CSTL1: variants seen among roughly 807,000 people sequenced by gnomAD.
The protein encoded by CSTL1 is cystatin-like 1.
Under a neutral mutation model 14.4 loss-of-function variants are expected in CSTL1, and 14 were observed. The observed-to-expected ratio is 0.97, with a 90% CI of 0.64 to 1.52. The LOEUF (loss-of-function observed/expected upper bound fraction) is 1.52. Ranked by LOEUF, CSTL1 falls within the 40% of genes most tolerant of loss-of-function variation. CSTL1 has a pLI of 0.00. For synonymous variants in CSTL1, 72 were observed against 67.5 expected (o/e 1.07, Z -0.33); for missense variants, 170 against 168.7 (o/e 1.01, Z -0.04).
At chr20:23,446,329 C>T (rs1986966243), downstream of CSTL1, among the ~76,000 whole-genome samples, 1 of 151,896 alleles carries the variant, frequency 6.6e-6, no homozygotes, top group Non-Finnish European at 1.5e-5. Context: ...GATCTTGGCT[C>T]ACTGCAGTCT....
chr20:23,458,298 G>T, the CSTL1 span, among the ~76,000 whole-genome samples: 1 of 152,174 alleles, frequency 6.6e-6, no homozygotes, highest in South Asian at 2.1e-4. Context: ...GAGTTGCTCT[G>T]CTGGAAGATG....
chr20:23,457,306 C>T, the CSTL1 span, among the ~76,000 whole-genome samples: 4 of 152,198 alleles, frequency 2.6e-5, no homozygotes, highest in Admixed American at 6.5e-5. Flanking sequence ...TCCCTCAGAA[C>T]TTCCTCTGTT....
At chr20:23,440,560 A>G (rs2123310028) in intron 2 of CSTL1, 74 bp downstream of exon 2, 2 of 1,133,704 alleles carry the variant, frequency 1.8e-6, no homozygotes, top group Non-Finnish European at 2.7e-6. Context: ...ATTCTGGGGT[A>G]GCTCCCAAGA....
chr20:23,444,891 T>C lies in CSTL1; in HGVS notation c.*13T>C, dbSNP rs374708502. The stretch of plus-strand genomic sequence containing the variant: ...AAACCTCAGATGAGGGCTCATATGA[T>C]TGAGTTGTGCACTGGCTGTTATTAA... On this transcript the variant is annotated 3_prime_UTR_variant, in exon 4 of 4. Coordinates refer to ENST00000347397, the MANE Select transcript of CSTL1 (RefSeq NM_138283.1). 403 of 1,556,594 alleles carry C rather than the reference T, an allele frequency of 2.6e-4. No individual in the cohort carries two copies. Among genetic ancestry groups the C allele is most frequent in the Non-Finnish European group, 3.4e-4 (388 of 1,127,762 alleles).
intron 2 of CSTL1, chr20:23,440,847 C>T (rs193020430): frequency 3.1e-4 from 108 of 347,656 alleles, no homozygotes; most frequent in African/African-American, 2.3e-3. Flanking sequence ...ACCTCCTCCT[C>T]CCAGGTTCAA....
chr20:23,444,756 TTTCTTC>T lies in CSTL1; in HGVS notation c.331-10_331-5del. 6.4e-7 allele frequency: 1 copy of T among 1,568,388 alleles called. No individual in the cohort carries two copies. The highest frequency in any genetic ancestry group is 8.8e-7 in the Non-Finnish European group (1 of 1,138,434). On this transcript the variant is annotated splice_polypyrimidine_tract_variant and intron_variant, in intron 3 of 3. Transcript: ENST00000347397. ...AATACTTCCCCCAAAGTCTGTTTTC[TTTCTTC>T]TTCTACAGAGTTTAATTTGCGAGTC...
At chr20:23,443,882 C>A in intron 2 of CSTL1, 52 bp from the exon 3 acceptor site, 1 of 1,352,976 alleles carries the variant, frequency 7.4e-7, no homozygotes, top group Non-Finnish European at 1.1e-6. Flanking sequence ...AGGAGAGGGT[C>A]AGCCACTGGA....
chr20:23,444,211 T>A (rs1298822593), intron 3 of CSTL1, among the ~76,000 whole-genome samples, 167 bp downstream of exon 3: 2 of 152,252 alleles, frequency 1.3e-5, no homozygotes, highest in Non-Finnish European at 2.9e-5. Context: ...GGAGGCTTTA[T>A]ATTTGGGCTG....
the CSTL1 span, among the ~76,000 whole-genome samples, chr20:23,449,943 G>T: frequency 6.6e-6 from 1 of 152,184 alleles, no homozygotes; most frequent in Non-Finnish European, 1.5e-5. Flanking sequence ...TTTGCAATTA[G>T]AAAGTGCACT....
At chr20:23,457,488 T>C in the CSTL1 span, 1 of 152,178 alleles carries the variant, frequency 6.6e-6, no homozygotes, top group African/African-American at 2.4e-5. Flanking sequence ...CATATGACTT[T>C]AGGGAGGTTA....
chr20:23,446,266 CT>C (rs1252698154), downstream of CSTL1, among the ~76,000 whole-genome samples: 1 of 140,230 alleles, frequency 7.1e-6, no homozygotes, highest in Admixed American at 7.0e-5. Flanking sequence ...TTTTTTTTTT[CT>C]TTTTTTTGAG....
chr20:23,456,764 C>T, the CSTL1 span, among the ~76,000 whole-genome samples: 2 of 152,178 alleles, frequency 1.3e-5, no homozygotes, highest in Non-Finnish European at 2.9e-5. Context: ...TAAGGGAGAA[C>T]CTATTTTTTT....
chr20:23,441,330 T>C (rs1986826271), intron 2 of CSTL1, among the ~76,000 whole-genome samples: 1 of 152,212 alleles, frequency 6.6e-6, no homozygotes, highest in African/African-American at 2.4e-5. Flanking sequence ...CACCTCACCT[T>C]CTGTTTTACA....
At chr20:23,447,467 C>CTT (rs34114094), downstream of CSTL1, among the ~76,000 whole-genome samples, 840 of 136,784 alleles carry the variant, frequency 6.1e-3, 8 homozygotes, top group African/African-American at 0.021. Flanking sequence ...TTTTCTTTTT[C>CTT]TTTTTTTTTT....
rs1364291950 is a variant in CSTL1 at position 23,439,697 on chromosome 20, C to G, written c.-234C>G. 1.9e-5 allele frequency: 3 copies of G among 161,330 alleles called. No homozygotes were observed. Among genetic ancestry groups the G allele is most frequent in the African/African-American group, 7.2e-5 (3 of 41,480 alleles). 10.0% of individuals were successfully genotyped at this position (161,330 alleles called of 1,614,324 possible). A position where few individuals can be genotyped will look rare whatever the true frequency, so the allele number is the denominator to read the frequency against. On this transcript the variant is annotated 5_prime_UTR_variant, in exon 1 of 4. Transcript: ENST00000347397. Reference sequence around the variant, plus strand: ...GGCCTGCAGGTATAGGGGGATCCTGCAAGCAGAAATCTGTGGTGGGCGGGC... The same window carrying G: ...GGCCTGCAGGTATAGGGGGATCCTGGAAGCAGAAATCTGTGGTGGGCGGGC...
At chr20:23,448,955 A>G (rs1427532885), downstream of CSTL1, among the ~76,000 whole-genome samples, 1 of 152,254 alleles carries the variant, frequency 6.6e-6, no homozygotes, top group Admixed American at 6.5e-5. Context: ...ATTGTAGGTT[A>G]GCATCATCCC....
downstream of CSTL1, among the ~76,000 whole-genome samples, chr20:23,449,148 G>T (rs1034175301): frequency 3.3e-5 from 5 of 152,188 alleles, no homozygotes; most frequent in Non-Finnish European, 7.3e-5. Context: ...ACATGCAGGA[G>T]CTCTCCTGTT....
At chr20:23,454,780 T>C in the CSTL1 span, among the ~76,000 whole-genome samples, 15 of 152,206 alleles carry the variant, frequency 9.9e-5, no homozygotes, top group Non-Finnish European at 1.6e-4. Context: ...GCTCTTTTCA[T>C]TGGGTTACTC....
At chr20:23,449,194 T>C (rs552686913), downstream of CSTL1, among the ~76,000 whole-genome samples, 7 of 152,314 alleles carry the variant, frequency 4.6e-5, no homozygotes, top group African/African-American at 1.4e-4. Context: ...TCTCACACTT[T>C]CTGTGCATGC....
Sources: allele counts gnomAD v4.1 joint callset (sites outside exome capture counted in the v4.1 genomes callset), GRCh38; gene constraint gnomAD v4.1.1; transcripts MANE v1.5; gene names NCBI Gene and HGNC (gene_info 2026-07-23, HGNC 2026-07-21).